The following CHEK2 variants were observed in gnomAD, a reference collection of about 807,000 sequenced individuals.
The protein encoded by CHEK2 is checkpoint kinase 2.
Under a neutral mutation model 69.1 loss-of-function variants are expected in CHEK2, and 71 were observed. The ratio of observed to expected loss-of-function variants is 1.03; its 90% CI spans 0.85 to 1.25. The LOEUF is 1.25. Ranked by LOEUF, CHEK2 falls within the 50% of genes most tolerant of loss-of-function variation. The probability of loss-of-function intolerance (pLI) is 0.00; values close to 1 mark genes in which losing one functional copy is unlikely to be tolerated. For synonymous variants in CHEK2, 189 were observed against 226.9 expected (o/e 0.83, Z 1.50); for missense variants, 664 against 649.6 (o/e 1.02, Z -0.24).
At chr22:28,688,061 T>A in intron 14 of CHEK2, 75 bp from the exon 15 acceptor site, 1 of 1,181,206 alleles carries the variant, frequency 8.5e-7, no homozygotes, top group East Asian at 2.5e-5. Context: ...AGTTCCTCAA[T>A]ATGCTTCCAG....
chr22:28,693,912 T>A (rs1416499542), intron 13 of CHEK2, 120 bp downstream of exon 13: 2 of 761,446 alleles, frequency 2.6e-6, no homozygotes, highest in Admixed American at 1.7e-5. Flanking sequence ...CCCCCATACA[T>A]CTAAAACAAT....
rs190845147 is a variant in CHEK2, at chr22:28,727,665, G to A, written c.320-2298C>T. On this transcript the variant is annotated intron_variant, in intron 2 of 14. Transcript: ENST00000404276. ...TAGGTTCCTATAAATCAGTGAAAAC[G>A]CTAAACAGTCCAGTAGAAAAATAGG... Among the ~76,000 whole-genome samples the A allele has an allele frequency of 3.1e-3, 479 of 152,218 alleles. 3 individuals are homozygous for A. Among genetic ancestry groups the A allele is most frequent in the African/African-American group, 0.011 (462 of 41,536 alleles).
At chr22:28,721,091 C>T (rs1225525973) in intron 4 of CHEK2, among the ~76,000 whole-genome samples, 1 of 152,134 alleles carries the variant, frequency 6.6e-6, no homozygotes, top group Non-Finnish European at 1.5e-5. Context: ...CTGTAAGTAT[C>T]AGTAAATGCC....
intron 13 of CHEK2, 147 bp downstream of exon 13, chr22:28,693,885 C>A: frequency 1.4e-6 from 1 of 708,380 alleles, no homozygotes. Context: ...CAGGTTGTAA[C>A]CCATCCTCCA....
At chr22:28,688,577 G>A (rs1443733633) in intron 14 of CHEK2, among the ~76,000 whole-genome samples, 1 of 152,114 alleles carries the variant, frequency 6.6e-6, no homozygotes, top group African/African-American at 2.4e-5. Flanking sequence ...ACTGAGGCAG[G>A]AGAACTGCTT....
chr22:28,696,210 G>T (rs188156201), intron 10 of CHEK2, among the ~76,000 whole-genome samples: 21 of 152,204 alleles, frequency 1.4e-4, no homozygotes, highest in Non-Finnish European at 2.6e-4. Context: ...TCTCAAACTT[G>T]GCTGCGCTAT....
chr22:28,690,179 A>G (rs2052305609), intron 13 of CHEK2, among the ~76,000 whole-genome samples: 1 of 152,208 alleles, frequency 6.6e-6, no homozygotes, highest in African/African-American at 2.4e-5. Context: ...CCATTTGGCA[A>G]TTTGATGGAT....
intron 12 of CHEK2, 117 bp downstream of exon 12, chr22:28,695,010 T>C (rs1270592064): frequency 9.8e-6 from 7 of 714,518 alleles, no homozygotes; most frequent in Admixed American, 4.1e-5. Flanking sequence ...AAACTAACAA[T>C]AGAAAATAAG....
chr22:28,696,689 C>G (rs1204622277), intron 10 of CHEK2, among the ~76,000 whole-genome samples: 1 of 152,182 alleles, frequency 6.6e-6, no homozygotes, highest in East Asian at 1.9e-4. Flanking sequence ...TCCTCTCTCT[C>G]TAAGCACAAA....
chr22:28,728,352 C>T (rs911515992), intron 2 of CHEK2, among the ~76,000 whole-genome samples: 1 of 152,052 alleles, frequency 6.6e-6, no homozygotes, highest in Non-Finnish European at 1.5e-5. Context: ...TGGACAAACT[C>T]CTAGAAAGAT....
Position 28,699,718 on chromosome 22 carries a change from C to G in CHEK2, c.1008+120G>C, listed in dbSNP as rs563721135. 3.1e-5 allele frequency: 25 copies of G among 813,368 alleles called. No individual in the cohort carries two copies. In the African/African-American group the frequency reaches 3.5e-4, roughly 11 times the overall value. 50.4% of individuals were successfully genotyped at this position (813,368 alleles called of 1,614,324 possible). On this transcript the variant is annotated intron_variant, in intron 9 of 14. Coordinates refer to ENST00000404276, the MANE Select transcript of CHEK2 (RefSeq NM_007194.4). The stretch of plus-strand genomic sequence containing the variant: ...TAGGACATTTTTGCCAAGAAGAGAA[C>G]AGCAAACACACAGATTCTCTTCTGA...
At chr22:28,736,870 G>A (rs1406283922) in intron 1 of CHEK2, among the ~76,000 whole-genome samples, 2 of 151,274 alleles carry the variant, frequency 1.3e-5, no homozygotes, top group Non-Finnish European at 2.9e-5. Context: ...TTGAGCCCAG[G>A]AGTTGAAGGC....
intron 5 of CHEK2, among the ~76,000 whole-genome samples, chr22:28,712,704 C>CT (rs2145959178): frequency 6.6e-6 from 1 of 152,280 alleles, no homozygotes; most frequent in South Asian, 2.1e-4. Context: ...ATAATGGCTA[C>CT]TAGGGCATCA....
intron 1 of CHEK2, among the ~76,000 whole-genome samples, chr22:28,739,267 TTC>T (rs967075105): frequency 6.6e-6 from 1 of 151,758 alleles, no homozygotes; most frequent in Non-Finnish European, 1.5e-5. Flanking sequence ...CAGAGTGAGA[TTC>T]TGTCTCAAAA....
intron 2 of CHEK2, among the ~76,000 whole-genome samples, chr22:28,730,241 G>T (rs543504405): frequency 0.35 from 279 of 790 alleles, 2 homozygotes; most frequent in South Asian, 0.42. Flanking sequence ...GGAAAGAAAA[G>T]AGGAGAGGAG....
intron 13 of CHEK2, chr22:28,689,531 A>C (rs1246473205): frequency 1.9e-5 from 7 of 376,404 alleles, no homozygotes; most frequent in Non-Finnish European, 3.6e-5. Context: ...AAAGGTGGCA[A>C]TCAGGAGGCC....
Position 28,741,755 on chromosome 22 carries a change from C to T in CHEK2, c.-7+14G>A, listed in dbSNP as rs2054563007. 2.6e-6 allele frequency: 1 copy of T among 379,868 alleles called. No homozygotes were observed. Among genetic ancestry groups the T allele is most frequent in the South Asian group, 3.1e-5 (1 of 32,764 alleles). The allele number at this position is 379,868 out of a possible 1,614,324, so 23.5% of individuals were successfully genotyped here. A position where few individuals can be genotyped will look rare whatever the true frequency, so the allele number is the denominator to read the frequency against. The stretch of plus-strand genomic sequence containing the variant: ...ACCACCAAACACCCAACAGAAGTTC[C>T]CCATATGACTCACCGCGTGAGCCCA... On this transcript the variant is annotated intron_variant, in intron 1 of 14. Coordinates refer to ENST00000404276, the MANE Select transcript of CHEK2 (RefSeq NM_007194.4).
intron 5 of CHEK2, among the ~76,000 whole-genome samples, chr22:28,714,694 G>A (rs945242959): frequency 2.6e-5 from 4 of 152,032 alleles, no homozygotes; most frequent in African/African-American, 9.7e-5. Flanking sequence ...GGTGTCTTAT[G>A]TAAGAAACCA....
At chr22:28,690,144 G>C (rs553962414) in intron 13 of CHEK2, among the ~76,000 whole-genome samples, 3 of 152,308 alleles carry the variant, frequency 2.0e-5, no homozygotes, top group African/African-American at 7.2e-5. Context: ...GTGGGGAAAG[G>C]GAGAGGATAC....
Sources: gnomAD v4.1 joint callset for allele counts (sites outside exome capture counted in the v4.1 genomes callset) on GRCh38, gnomAD v4.1.1 for gene constraint, MANE v1.5 for transcripts, NCBI Gene and HGNC (gene_info 2026-07-23, HGNC 2026-07-21) for gene names.